The following LAMA3 variants were observed in gnomAD, a reference collection of about 807,000 sequenced individuals.
LAMA3 encodes the protein laminin subunit alpha 3.
A neutral mutation model predicts 402.0 loss-of-function variants in LAMA3; 281 were observed. The observed-to-expected ratio is 0.70, with a 90% CI of 0.63 to 0.77. The LOEUF is 0.77. Among genes scored for constraint, LAMA3 ranks in the 30% least tolerant of loss-of-function variants. The pLI is 0.00. For missense variants in LAMA3, 3,840 were observed against 4,215.5 expected (o/e 0.91, Z 2.47); for synonymous variants, 1,431 against 1,558.4 (o/e 0.92, Z 1.93).
chr18:23,810,136 CACA>C (rs1228842641), intron 12 of LAMA3, among the ~76,000 whole-genome samples: 5 of 152,200 alleles, frequency 3.3e-5, no homozygotes, highest in African/African-American at 4.8e-5. Context: ...ATGCAATCCT[CACA>C]ACAAGTTATC....
intron 69 of LAMA3, 79 bp from the exon 70 acceptor site, chr18:23,946,065 T>G (rs1028633351): frequency 2.9e-6 from 4 of 1,379,088 alleles, no homozygotes; most frequent in Non-Finnish European, 4.1e-6. Context: ...TTTTTTAATT[T>G]GGCCACTAAT....
At chr18:23,826,836 G>A (rs1322166478) in intron 22 of LAMA3, 37 bp downstream of exon 22, 7 of 1,316,556 alleles carry the variant, frequency 5.3e-6, no homozygotes, top group African/African-American at 1.5e-5. Context: ...GCATCATTGG[G>A]GTCCTCTAAA....
rs2082239273 is a variant in LAMA3, at chr18:23,933,933, C to G, written c.8860C>G (p.Gln2954Glu). 18 of 1,614,014 alleles carry G rather than the reference C, an allele frequency of 1.1e-5. No individual in the cohort carries two copies. Among genetic ancestry groups the G allele is most frequent in the Non-Finnish European group, 1.5e-5 (18 of 1,179,926 alleles). The change falls in exon 67 of 75, where the codon CAG (glutamine) becomes GAG (glutamate). Residue 2954 changes from glutamine to glutamate, a missense_variant and splice_region_variant. Physicochemically the swap from Gln to Glu is conservative, Grantham distance 29. Coordinates refer to ENST00000313654, the MANE Select transcript of LAMA3 (RefSeq NM_198129.4). ...CAAGACCAAGACTTTTCGTATCAAC[C>G]AGGTAAGTGTCCAAACCTAACCCTG... The part of the protein sequence containing the change: ...FNKTKTFRIN[Q>E]LLQDTPVASP...
In LAMA3 at chr18:23,842,727, C is replaced by T. The variant is rs539463161; in HGVS notation, c.3580C>T (p.Pro1194Ser). 6.2e-6 allele frequency: 10 copies of T among 1,614,210 alleles called. No individual in the cohort carries two copies. The highest frequency in any genetic ancestry group is 8.5e-6 in the Non-Finnish European group (10 of 1,180,042). ...EPEVAATVKV[P>S]EGKSLVLVRV... ...TGAAGTGGCCGCAACTGTGAAGGTT[C>T]CAGAAGGAAAGTCCTTGGTTTTGGT... Residue 1194 changes from proline (P) to serine (S), a missense_variant, in exon 29 of 75, where the codon CCA becomes TCA. Pro to Ser is a moderately conservative substitution (Grantham distance 74). Transcript: ENST00000313654.
chr18:23,776,458 A>C (rs1256524396), intron 10 of LAMA3, among the ~76,000 whole-genome samples: 1 of 152,222 alleles, frequency 6.6e-6, no homozygotes, highest in Non-Finnish European at 1.5e-5. Context: ...AGAATCTGTG[A>C]AACCAGCTAT....
At chr18:23,912,962 G>A in intron 56 of LAMA3, 81 bp downstream of exon 56, 2 of 1,264,020 alleles carry the variant, frequency 1.6e-6, no homozygotes, top group South Asian at 1.2e-5. Flanking sequence ...TGGCACGGCT[G>A]CATCACTGCC....
At chr18:23,916,763 G>C (rs546834913) in intron 60 of LAMA3, 68 bp downstream of exon 60, 20 of 1,515,754 alleles carry the variant, frequency 1.3e-5, no homozygotes, top group Non-Finnish European at 1.6e-5. Context: ...GGAGATAACT[G>C]GGTTGTTATA....
Position 23,919,437 on chromosome 18 carries a change from C to T in LAMA3, c.7924-1498C>T, listed in dbSNP as rs141310655. Among the ~76,000 whole-genome samples the T allele has an allele frequency of 1.4e-4, 22 of 152,286 alleles. No individual in the cohort carries two copies. In the East Asian group the frequency reaches 2.3e-3, roughly 16 times the overall value. On this transcript the variant is annotated intron_variant, in intron 60 of 74. Coordinates refer to ENST00000313654, the MANE Select transcript of LAMA3 (RefSeq NM_198129.4). ...AAAGACAGATATGGCTCCCGCCCTC[C>T]GGGATTTTATAATCTAGAGGGGAAG...
chr18:23,857,712 C>T, intron 32 of LAMA3, 132 bp from the exon 33 acceptor site: 2 of 1,141,700 alleles, frequency 1.8e-6, no homozygotes, highest in Non-Finnish European at 2.7e-6. Context: ...TCCATTCTGC[C>T]TTGGACTATA....
Position 23,824,548 on chromosome 18 carries a change from G to A in LAMA3, c.2554G>A (p.Ala852Thr). 6.2e-7 allele frequency: 1 copy of A among 1,614,022 alleles called. No individual in the cohort carries two copies. The change falls in exon 21 of 75, where the codon GCA (alanine) becomes ACA (threonine). Residue 852 changes from alanine to threonine, a missense_variant. Ala to Thr is a moderately conservative substitution (Grantham distance 58). Coordinates refer to ENST00000313654, the MANE Select transcript of LAMA3 (RefSeq NM_198129.4). ...AGGAATATGGGTTGCTTGTATTAAG[G>A]CAGAAGGAGTCCTTCTGGTAAGACT... ...TPGIWVACIK[A>T]EGVLLDYLVL...
intron 12 of LAMA3, among the ~76,000 whole-genome samples, chr18:23,805,143 C>G (rs771502435): frequency 1.3e-5 from 2 of 152,026 alleles, no homozygotes; most frequent in Non-Finnish European, 2.9e-5. Flanking sequence ...AAAGCATTTG[C>G]CAGACTAACA....
chr18:23,741,232 C>G (rs938596876), intron 2 of LAMA3, among the ~76,000 whole-genome samples: 1 of 151,970 alleles, frequency 6.6e-6, no homozygotes, highest in Non-Finnish European at 1.5e-5. Context: ...GCCAAGCATA[C>G]TCTTTCTGAT....
chr18:23,879,883 A>G lies in LAMA3; in HGVS notation c.5113-2053A>G, dbSNP rs1452365453. On this transcript the variant is annotated intron_variant, in intron 39 of 74. Coordinates refer to ENST00000313654, the MANE Select transcript of LAMA3 (RefSeq NM_198129.4). This position sits in a 1 kb window ranked among gnomAD's most constrained non-coding sequence, Gnocchi z 4.2. ...GTACTCAGAGTGATTTTAGTAGGATACGGATGTCCTCACCTCAATTCTTGC... is the reference window on the plus strand; with the variant it reads ...GTACTCAGAGTGATTTTAGTAGGATGCGGATGTCCTCACCTCAATTCTTGC... 6.6e-6 allele frequency among the ~76,000 whole-genome samples: 1 copy of G among 152,252 alleles called. No homozygotes were observed. The highest frequency in any genetic ancestry group is 2.4e-5 in the African/African-American group (1 of 41,470).
intron 2 of LAMA3, among the ~76,000 whole-genome samples, chr18:23,718,625 G>A (rs2061154127): frequency 6.6e-6 from 1 of 152,204 alleles, no homozygotes; most frequent in South Asian, 2.1e-4. Flanking sequence ...GGGCTGCGGG[G>A]GAGTGAGGCC....
At chr18:23,833,570 C>T (rs916888801) in intron 23 of LAMA3, among the ~76,000 whole-genome samples, 5 of 152,094 alleles carry the variant, frequency 3.3e-5, no homozygotes, top group Non-Finnish European at 4.4e-5. Context: ...ATTTAGAAAA[C>T]GAAAATACGG....
Position 23,925,107 on chromosome 18 carries a change from C to T in LAMA3, c.8178-3016C>T, listed in dbSNP as rs547691514. Reference sequence around the variant, plus strand: ...CCACAGCCAAGCTCTGTAGGGGCAACCAGCCAACGCTTCCAGAGCAGGGAG... The same window carrying T: ...CCACAGCCAAGCTCTGTAGGGGCAATCAGCCAACGCTTCCAGAGCAGGGAG... On this transcript the variant is annotated intron_variant, in intron 62 of 74. Coordinates refer to ENST00000313654, the MANE Select transcript of LAMA3 (RefSeq NM_198129.4). Among the ~76,000 whole-genome samples, 8 of 152,296 alleles carry T rather than the reference C, an allele frequency of 5.3e-5. 1 individual carries two copies. The South Asian group carries it at 1.7e-3, about 32-fold the overall frequency.
chr18:23,773,400 G>A, intron 8 of LAMA3, 97 bp from the exon 9 acceptor site: 1 of 806,142 alleles, frequency 1.2e-6, no homozygotes, highest in South Asian at 1.5e-5. Context: ...AATTACAATT[G>A]TATATGACAG....
At chr18:23,902,669 G>T (rs1285392493) in intron 48 of LAMA3, among the ~76,000 whole-genome samples, 2 of 152,174 alleles carry the variant, frequency 1.3e-5, no homozygotes. Flanking sequence ...CTGGCTGATG[G>T]TTAGTGATGG....
At chr18:23,792,407 G>C (rs1455191368) in intron 12 of LAMA3, among the ~76,000 whole-genome samples, 1 of 152,166 alleles carries the variant, frequency 6.6e-6, no homozygotes, top group Admixed American at 6.5e-5. Context: ...CGATGAGACA[G>C]GATGCAAGAG....
Sources: gnomAD v4.1 joint callset for allele counts (sites outside exome capture counted in the v4.1 genomes callset) on GRCh38, gnomAD v4.1.1 for gene constraint, Gnocchi (gnomAD v3.1) non-coding constraint, MANE v1.5 for transcripts, NCBI Gene and HGNC (gene_info 2026-07-23, HGNC 2026-07-21) for gene names.